The following ANKRD44 variants were observed in gnomAD, a reference collection of about 807,000 sequenced individuals.
The protein encoded by ANKRD44 is ankyrin repeat domain 44, also known as serine/threonine-protein phosphatase 6 regulatory ankyrin repeat subunit B.
Under a neutral mutation model 116.0 loss-of-function variants are expected in ANKRD44, and 35 were observed. The observed-to-expected ratio is 0.30, with a 90% CI of 0.23 to 0.40. ANKRD44 has a LOEUF of 0.40. Ranked by LOEUF, ANKRD44 falls within the 10% of genes least tolerant of loss-of-function variation. ANKRD44 has a pLI of 1.00. For synonymous variants in ANKRD44, 435 were observed against 461.8 expected (o/e 0.94, Z 0.74); for missense variants, 1,014 against 1,242.6 (o/e 0.82, Z 2.77).
intron 5 of ANKRD44, 80 bp from the exon 6 acceptor site, chr2:197,125,548 C>A: frequency 7.7e-7 from 1 of 1,294,506 alleles, no homozygotes; most frequent in Non-Finnish European, 1.1e-6. Flanking sequence ...TGATCTGAGC[C>A]AAATTAACAT....
At chr2:197,042,757 T>G (rs1443410927) in intron 16 of ANKRD44, among the ~76,000 whole-genome samples, 1 of 152,236 alleles carries the variant, frequency 6.6e-6, no homozygotes, top group African/African-American at 2.4e-5. Context: ...TGACTAAACC[T>G]TTTCAGGCAT....
At position 196,988,070 on chromosome 2, in the gene ANKRD44, A is replaced by C. The variant is rs75088057; in HGVS notation, c.*1521T>G. The stretch of plus-strand genomic sequence containing the variant: ...CCTTTGTCCTCCTTCTATGAGTAAG[A>C]GAGTGGGAAAAGTCAAAACGCAGCT... On this transcript the variant is annotated 3_prime_UTR_variant, in exon 28 of 28. Transcript: ENST00000282272. 7.2e-4 allele frequency: 710 copies of C among 985,398 alleles called. 9 individuals are homozygous for C. In the African/African-American group the frequency reaches 0.011, roughly 15 times the overall value. The allele number at this position is 985,398 out of a possible 1,614,324, so 61.0% of individuals were successfully genotyped here.
chr2:197,113,033 G>A (rs1039849693), intron 8 of ANKRD44, among the ~76,000 whole-genome samples: 5 of 151,982 alleles, frequency 3.3e-5, no homozygotes, highest in South Asian at 2.1e-4. Context: ...TCAGGTAGAT[G>A]TGGGAAGAAA....
chr2:197,086,056 G>A (rs1335197399), intron 13 of ANKRD44, among the ~76,000 whole-genome samples: 2 of 152,102 alleles, frequency 1.3e-5, no homozygotes, highest in African/African-American at 4.8e-5. Context: ...GGGCGGGTAG[G>A]AGTTGCCTTA....
At chr2:197,218,735 T>A (rs867950636) in intron 1 of ANKRD44, among the ~76,000 whole-genome samples, 9 of 145,132 alleles carry the variant, frequency 6.2e-5, no homozygotes, top group Middle Eastern at 3.6e-3. Flanking sequence ...CTTCCTGGTA[T>A]GGGAGGGTAA....
At chr2:197,236,876 G>C (rs1326818482) in intron 1 of ANKRD44, among the ~76,000 whole-genome samples, 1 of 152,168 alleles carries the variant, frequency 6.6e-6, no homozygotes, top group African/African-American at 2.4e-5. Context: ...ACTGTTTTTA[G>C]CTTACTCCCA....
intron 21 of ANKRD44, among the ~76,000 whole-genome samples, chr2:196,971,758 G>A (rs905167554): frequency 1.3e-5 from 2 of 152,148 alleles, no homozygotes; most frequent in African/African-American, 4.8e-5. Flanking sequence ...TGGGCCCCCT[G>A]CTAGAAGACA....
intron 16 of ANKRD44, among the ~76,000 whole-genome samples, chr2:197,051,308 G>A (rs189247322): frequency 1.6e-3 from 239 of 152,216 alleles, no homozygotes; most frequent in African/African-American, 5.5e-3. Context: ...ACACAATAGA[G>A]CCCAACCTTC....
At chr2:196,967,146 C>T (rs929263935) in exon 22 of ANKRD44, 2 of 188,766 alleles carry the variant, frequency 1.1e-5, no homozygotes, top group African/African-American at 4.6e-5. Flanking sequence ...TTTCAAAGTG[C>T]TCTAGAAATA....
chr2:197,093,980 G>C (rs1440825581), intron 10 of ANKRD44, among the ~76,000 whole-genome samples: 1 of 152,194 alleles, frequency 6.6e-6, no homozygotes, highest in East Asian at 1.9e-4. Flanking sequence ...ATTTATATTA[G>C]CTAGTTCTAA....
chr2:197,104,737 G>A (rs577130151), intron 9 of ANKRD44, among the ~76,000 whole-genome samples: 138 of 152,180 alleles, frequency 9.1e-4, no homozygotes, highest in African/African-American at 2.9e-3. Flanking sequence ...AGCAAACAAC[G>A]CTTTTTCTAG....
chr2:197,207,639 T>C (rs1368956278), intron 1 of ANKRD44, among the ~76,000 whole-genome samples: 1 of 152,196 alleles, frequency 6.6e-6, no homozygotes, highest in Admixed American at 6.5e-5. Flanking sequence ...CGTTTCTTCC[T>C]TTGCCATGGT....
intron 3 of ANKRD44, among the ~76,000 whole-genome samples, chr2:197,136,971 T>G (rs941115751): frequency 2.0e-5 from 3 of 152,188 alleles, no homozygotes; most frequent in African/African-American, 7.2e-5. Context: ...GGTAGGCAGA[T>G]AGGCTCAAGC....
At chr2:197,236,906 T>C (rs996499267) in intron 1 of ANKRD44, among the ~76,000 whole-genome samples, 2 of 152,132 alleles carry the variant, frequency 1.3e-5, no homozygotes, top group African/African-American at 4.8e-5. Context: ...CAAAGGCATA[T>C]CTGCCTCCAG....
At chr2:197,258,774 C>T (rs761856020) in intron 1 of ANKRD44, among the ~76,000 whole-genome samples, 2 of 152,184 alleles carry the variant, frequency 1.3e-5, no homozygotes, top group African/African-American at 4.8e-5. Context: ...TTCAGATAGT[C>T]ACACTGATGA....
chr2:197,084,273 C>A (rs1286411587), intron 13 of ANKRD44, among the ~76,000 whole-genome samples: 2 of 152,144 alleles, frequency 1.3e-5, no homozygotes, highest in African/African-American at 4.8e-5. Context: ...TCCCCCCTAC[C>A]TTTGTCCAGG....
chr2:197,024,581 G>C (rs1446067633), intron 17 of ANKRD44, among the ~76,000 whole-genome samples: 1 of 152,204 alleles, frequency 6.6e-6, no homozygotes, highest in Non-Finnish European at 1.5e-5. Context: ...TGTTGCATTT[G>C]CCTTCAATTA....
chr2:197,026,792 T>C (rs1317202973), intron 16 of ANKRD44, among the ~76,000 whole-genome samples: 3 of 152,054 alleles, frequency 2.0e-5, no homozygotes, highest in African/African-American at 4.8e-5. Context: ...AAAATAACAG[T>C]GGCTTGGACC....
intron 4 of ANKRD44, among the ~76,000 whole-genome samples, chr2:197,127,042 T>C (rs891073487): frequency 9.2e-5 from 14 of 152,146 alleles, no homozygotes; most frequent in African/African-American, 2.9e-4. Context: ...CACAGACATA[T>C]GGAATATTAG....
Sources: allele counts gnomAD v4.1 joint callset (sites outside exome capture counted in the v4.1 genomes callset), GRCh38; gene constraint gnomAD v4.1.1; transcripts MANE v1.5; gene names NCBI Gene and HGNC (gene_info 2026-07-23, HGNC 2026-07-21).